TEX36: variants seen among roughly 807,000 people sequenced by gnomAD.
TEX36 encodes the protein testis-expressed protein 36.
A neutral mutation model predicts 13.6 loss-of-function variants in TEX36; 12 were observed. The ratio of observed to expected loss-of-function variants is 0.88; its 90% confidence interval spans 0.56 to 1.43. TEX36 has a LOEUF of 1.43. TEX36 is among the 40% of genes most tolerant of loss of function. The pLI, the probability that TEX36 is intolerant of heterozygous loss-of-function variation, is 0.00. For missense variants in TEX36, 224 were observed against 228.3 expected (o/e 0.98, Z 0.12); for synonymous variants, 93 against 83.0 (o/e 1.12, Z -0.65).
chr10:125,591,717 A>G (rs1846023265), intron 3 of TEX36, among the ~76,000 whole-genome samples: 1 of 152,230 alleles, frequency 6.6e-6, no homozygotes, highest in Non-Finnish European at 1.5e-5. Context: ...ATGCATGTTC[A>G]TGAAGCTGCC....
chr10:125,641,827 C>T (rs1295072701), intron 3 of TEX36, among the ~76,000 whole-genome samples: 1 of 152,184 alleles, frequency 6.6e-6, no homozygotes, highest in East Asian at 1.9e-4. Flanking sequence ...CCAGGACCTA[C>T]CCCTCCATTC....
intron 3 of TEX36, among the ~76,000 whole-genome samples, chr10:125,599,999 C>G (rs1411078359): frequency 6.6e-6 from 1 of 152,170 alleles, no homozygotes; most frequent in Non-Finnish European, 1.5e-5. Flanking sequence ...GCTTCAGTCC[C>G]TCATTTCAGG....
At chr10:125,675,995 A>G (rs1847304408) in intron 1 of TEX36, among the ~76,000 whole-genome samples, 1 of 152,168 alleles carries the variant, frequency 6.6e-6, no homozygotes, top group Non-Finnish European at 1.5e-5. Context: ...TAATGACTTT[A>G]ATTTTTTTAA....
At chr10:125,661,785 C>G in intron 2 of TEX36, 61 bp downstream of exon 2, 1 of 1,531,288 alleles carries the variant, frequency 6.5e-7, no homozygotes, top group African/African-American at 1.4e-5. Context: ...AACGTGCCAG[C>G]GGCGCTGCCC....
At chr10:125,619,998 C>T (rs940892917), downstream of TEX36, among the ~76,000 whole-genome samples, 3 of 151,924 alleles carry the variant, frequency 2.0e-5, no homozygotes, top group Admixed American at 6.5e-5. Flanking sequence ...TTAGTAGCTA[C>T]ATAATGTTGC....
chr10:125,635,865 T>G (rs1412618948), intron 3 of TEX36, among the ~76,000 whole-genome samples: 1 of 151,802 alleles, frequency 6.6e-6, no homozygotes, highest in Non-Finnish European at 1.5e-5. Context: ...AGCCTGAATT[T>G]CTAGGACACT....
At chr10:125,677,230 A>G (rs1226193710) in intron 1 of TEX36, among the ~76,000 whole-genome samples, 2 of 152,186 alleles carry the variant, frequency 1.3e-5, no homozygotes, top group African/African-American at 4.8e-5. Flanking sequence ...TTCTTGTACC[A>G]GAATGTCTAG....
At chr10:125,673,001 AT>A (rs1847257460) in intron 1 of TEX36, among the ~76,000 whole-genome samples, 3 of 151,806 alleles carry the variant, frequency 2.0e-5, no homozygotes, top group Non-Finnish European at 4.4e-5. Context: ...TCATCTCTTT[AT>A]TTTGAGGCTA....
chr10:125,679,359 T>G (rs1293714461), intron 1 of TEX36, among the ~76,000 whole-genome samples: 2 of 152,116 alleles, frequency 1.3e-5, no homozygotes, highest in African/African-American at 2.4e-5. Flanking sequence ...TCCAGATGCT[T>G]CTGGGGCCCA....
chr10:125,635,901 T>A (rs1460704629), intron 3 of TEX36, among the ~76,000 whole-genome samples: 2 of 151,962 alleles, frequency 1.3e-5, no homozygotes, highest in Non-Finnish European at 2.9e-5. Context: ...TGAGACAAGG[T>A]CAAGCTCTGT....
At chr10:125,650,243 G>A (rs893824295) in intron 3 of TEX36, among the ~76,000 whole-genome samples, 1 of 152,156 alleles carries the variant, frequency 6.6e-6, no homozygotes, top group Admixed American at 6.5e-5. Context: ...CCACATAGTT[G>A]GAAGTAAAGC....
At chr10:125,650,769 A>G (rs1846839775), downstream of TEX36, among the ~76,000 whole-genome samples, 1 of 152,228 alleles carries the variant, frequency 6.6e-6, no homozygotes, top group Admixed American at 6.5e-5. Flanking sequence ...CTAATAAAGA[A>G]GAAAAGAAGA....
intron 1 of TEX36, among the ~76,000 whole-genome samples, chr10:125,662,635 C>T (rs1847064062): frequency 6.6e-6 from 1 of 152,128 alleles, no homozygotes; most frequent in Non-Finnish European, 1.5e-5. Flanking sequence ...CAACAAGGGC[C>T]TCTGTTGACC....
intron 3 of TEX36, among the ~76,000 whole-genome samples, chr10:125,622,180 G>C (rs893282633): frequency 6.6e-6 from 1 of 152,060 alleles, no homozygotes; most frequent in African/African-American, 2.4e-5. Flanking sequence ...ACAATAATAA[G>C]GTCGTAATTA....
intron 3 of TEX36, among the ~76,000 whole-genome samples, chr10:125,642,260 C>T (rs1846703586): frequency 6.6e-6 from 1 of 152,214 alleles, no homozygotes; most frequent in South Asian, 2.1e-4. Flanking sequence ...TTGCAGAGAA[C>T]TTAGCACAGG....
intron 3 of TEX36, among the ~76,000 whole-genome samples, chr10:125,632,790 G>A (rs1846574022): frequency 6.6e-6 from 1 of 152,150 alleles, no homozygotes; most frequent in Non-Finnish European, 1.5e-5. Flanking sequence ...AGGTGAATAA[G>A]CCAGCTCATG....
At chr10:125,643,445 TAA>T (rs1030473530) in intron 3 of TEX36, among the ~76,000 whole-genome samples, 2 of 152,030 alleles carry the variant, frequency 1.3e-5, no homozygotes, top group African/African-American at 4.8e-5. Flanking sequence ...CTATCTCTAC[TAA>T]AAATACAAAA....
downstream of TEX36, among the ~76,000 whole-genome samples, chr10:125,621,256 G>T (rs7075103): frequency 0.058 from 8,840 of 152,076 alleles, 820 homozygotes; most frequent in African/African-American, 0.2. Context: ...TCGATTTTTC[G>T]TTCTTTGAGG....
intron 1 of TEX36, among the ~76,000 whole-genome samples, chr10:125,676,348 T>C (rs1847311713): frequency 6.6e-6 from 1 of 152,258 alleles, no homozygotes; most frequent in South Asian, 2.1e-4. Flanking sequence ...GATTGATCCA[T>C]TTATCATTAT....
Sources: gnomAD v4.1 joint callset for allele counts (sites outside exome capture counted in the v4.1 genomes callset) on GRCh38, gnomAD v4.1.1 for gene constraint, MANE v1.5 for transcripts, NCBI Gene and HGNC (gene_info 2026-07-23, HGNC 2026-07-21) for gene names.